The following FBLN1 variants were observed in gnomAD, a reference collection of about 807,000 sequenced individuals.
FBLN1 encodes fibulin 1, also known as fibulin-1.
A neutral mutation model predicts 89.7 loss-of-function variants in FBLN1; 34 were observed. That is an observed-to-expected ratio of 0.38 (90% CI 0.29 to 0.50). The LOEUF (loss-of-function observed/expected upper bound fraction) is 0.50, where lower values mean the gene tolerates loss of function less well. Among genes scored for constraint, FBLN1 ranks in the 20% least tolerant of loss-of-function variants. The probability of loss-of-function intolerance (pLI) is 0.92; values close to 1 mark genes in which losing one functional copy is unlikely to be tolerated. For synonymous variants in FBLN1, 393 were observed against 391.3 expected, an observed-to-expected ratio of 1.00 and a Z score of -0.05; for missense variants, 777 against 988.1, an observed-to-expected ratio of 0.79 and a Z score of 2.86.
At chr22:45,542,062 A>C in intron 9 of FBLN1, 93 bp from the exon 10 acceptor site, 1 of 1,577,190 alleles carries the variant, frequency 6.3e-7, no homozygotes, top group Admixed American at 1.7e-5. Flanking sequence ...TTCCATGTCC[A>C]TGTGTTCCTT....
intron 2 of FBLN1, among the ~76,000 whole-genome samples, chr22:45,524,535 G>A (rs915344818): frequency 6.6e-6 from 1 of 152,188 alleles, no homozygotes; most frequent in Admixed American, 6.5e-5. Flanking sequence ...CCTTGGGCAG[G>A]CTACCCAACA....
rs188307785 is a variant in FBLN1, at chr22:45,556,145, A to G, written c.1697+5530A>G. 1.3e-5 allele frequency among the ~76,000 whole-genome samples: 2 copies of G among 152,246 alleles called. No individual in the cohort carries two copies. Among genetic ancestry groups the G allele is most frequent in the Admixed American group, 1.3e-4 (2 of 15,282 alleles). On this transcript the variant is annotated intron_variant, in intron 14 of 16. Transcript: ENST00000327858. This position sits in a 1 kb window ranked among gnomAD's most constrained non-coding sequence, Gnocchi z 4.6. Reference sequence around the variant, plus strand: ...TGAGTAGCTGAGATTACAGGTGTGCACCACCATACCCAGCTAATTTTTCTA... The same window carrying G: ...TGAGTAGCTGAGATTACAGGTGTGCGCCACCATACCCAGCTAATTTTTCTA...
rs2089002542 is a variant in FBLN1, at chr22:45,576,956, C to T, written c.1841-21C>T. On this transcript the variant is annotated intron_variant, in intron 15 of 16. Transcript: ENST00000327858. The surrounding 1 kb of genome is among the most constrained non-coding windows in gnomAD (Gnocchi z 5.2). The stretch of plus-strand genomic sequence containing the variant: ...TGGGGCCAGGCTGTGCTGAGCCCTT[C>T]TCCATTCTGTGCCTCTGCAGAGATC... 1 of 1,613,226 alleles carries T rather than the reference C, an allele frequency of 6.2e-7. No individual in the cohort carries two copies. The highest frequency in any genetic ancestry group is 1.3e-5 in the African/African-American group (1 of 74,942).
At chr22:45,591,436 T>C (rs1022462247) in intron 16 of FBLN1, among the ~76,000 whole-genome samples, 2 of 152,198 alleles carry the variant, frequency 1.3e-5, no homozygotes, top group Non-Finnish European at 2.9e-5. Flanking sequence ...AACGAAGAGC[T>C]GTCTCTTTCG....
chr22:45,520,621 C>G (rs1569237237), intron 2 of FBLN1, among the ~76,000 whole-genome samples: 2 of 152,146 alleles, frequency 1.3e-5, no homozygotes, highest in Admixed American at 1.3e-4. Flanking sequence ...TAATAGGGAG[C>G]CACTACTATT....
rs1293297047 is a variant in FBLN1, at chr22:45,548,790, C to T, written c.1573+46C>T. Reference sequence around the variant, plus strand: ...GGGGTCCCTCACGCTCTGCTTGGGGCCCTGCAATGTCGTGGGGCTGAGGCT... The same window carrying T: ...GGGGTCCCTCACGCTCTGCTTGGGGTCCTGCAATGTCGTGGGGCTGAGGCT... On this transcript the variant is annotated intron_variant, in intron 13 of 16. Transcript: ENST00000327858. The T allele has an allele frequency of 2.5e-6, 4 of 1,607,802 alleles. No individual in the cohort carries two copies. In the African/African-American group the frequency reaches 4.0e-5, roughly 16 times the overall value.
intron 1 of FBLN1, among the ~76,000 whole-genome samples, chr22:45,504,517 C>A (rs2087991759): frequency 1.3e-5 from 2 of 150,374 alleles, no homozygotes; most frequent in Non-Finnish European, 3.0e-5. Flanking sequence ...GGGAAAACCC[C>A]GAGGGGCCCT....
At chr22:45,547,242 C>T (rs370504340) in intron 12 of FBLN1, 38 bp downstream of exon 12, 3 of 1,610,704 alleles carry the variant, frequency 1.9e-6, no homozygotes, top group Admixed American at 1.7e-5. Flanking sequence ...GAAAGCACCC[C>T]CTGGTCTTGC....
rs1010429682 is a variant in FBLN1, at chr22:45,550,709, G to A, written c.1697+94G>A. On this transcript the variant is annotated intron_variant, in intron 14 of 16. Transcript: ENST00000327858. The surrounding 1 kb of genome is among the most constrained non-coding windows in gnomAD (Gnocchi z 8.4). ...GGGTGGGTTATCAGGCTGTGACCTC[G>A]GTGTCCTCCCATGAGGGACTCAGGG... The A allele has an allele frequency of 5.3e-5, 84 of 1,571,866 alleles. No homozygotes were observed. The highest frequency in any genetic ancestry group is 8.9e-5 in the South Asian group (8 of 89,960).
intron 1 of FBLN1, among the ~76,000 whole-genome samples, chr22:45,515,114 G>A (rs1161554847): frequency 6.6e-6 from 1 of 152,230 alleles, no homozygotes; most frequent in East Asian, 1.9e-4. Flanking sequence ...GAGAGCCGGT[G>A]AATGAGAGGG....
rs941583362 is a variant in FBLN1, at chr22:45,580,116, T to C, written c.1972+3008T>C. On this transcript the variant is annotated intron_variant, in intron 16 of 16. Transcript: ENST00000327858. The surrounding 1 kb of genome is among the most constrained non-coding windows in gnomAD (Gnocchi z 8.6). ...GCTGAGTTAAATGACCGCCTGAGACTGTGCAACTGAAAAACTGCAGGGCCT... is the reference window on the plus strand; with the variant it reads ...GCTGAGTTAAATGACCGCCTGAGACCGTGCAACTGAAAAACTGCAGGGCCT... 1.3e-5 allele frequency among the ~76,000 whole-genome samples: 2 copies of C among 152,164 alleles called. No homozygotes were observed. Among genetic ancestry groups the C allele is most frequent in the Non-Finnish European group, 2.9e-5 (2 of 68,028 alleles).
intron 1 of FBLN1, 30 bp downstream of exon 1, chr22:45,503,094 C>T (rs1312862008): frequency 1.6e-6 from 2 of 1,223,244 alleles, no homozygotes; most frequent in Non-Finnish European, 2.0e-6. Flanking sequence ...GCCGCCCCAG[C>T]TTAGGGTCCC....
Position 45,562,846 on chromosome 22 carries a change from G to T in FBLN1, c.1698-11665G>T. The T allele has an allele frequency of 6.6e-7, 1 of 1,517,998 alleles. No individual in the cohort carries two copies. Among genetic ancestry groups the T allele is most frequent in the Admixed American group, 1.7e-5 (1 of 59,940 alleles). The allele number at this position is 1,517,998 out of a possible 1,614,324, so 94.0% of individuals were successfully genotyped here. ...TGCCAGCCCCGCATCCCCGCGCTCT[G>T]CCGTTTCTCCGCTTGCTGGACCGGC... is the stretch of plus-strand genomic sequence containing the variant. On this transcript the variant is annotated intron_variant, in intron 14 of 16. Transcript: ENST00000327858. The surrounding 1 kb of genome is among the most constrained non-coding windows in gnomAD (Gnocchi z 7.8).
intron 14 of FBLN1, chr22:45,564,845 A>G: frequency 6.2e-7 from 1 of 1,612,724 alleles, no homozygotes. Context: ...TGTCACTAGC[A>G]TTTCTGTGGC....
At position 45,574,574 on chromosome 22, in the gene FBLN1, A is replaced by G. The variant is rs1204420927; in HGVS notation, c.1761A>G (p.Thr587=). The change falls in exon 15 of 17, where the codon ACA becomes ACG. Residue 587 remains threonine, a synonymous_variant. Transcript: ENST00000327858. This position sits in a 1 kb window ranked among gnomAD's most constrained non-coding sequence, Gnocchi z 4.1. ...AGTCCTGCCGCCCCAACGATGTCACATGCGTGTTCGACCCCGTGCACACCA... is the reference window on the plus strand; with the variant it reads ...AGTCCTGCCGCCCCAACGATGTCACGTGCGTGTTCGACCCCGTGCACACCA... The part of the protein sequence containing the change: ...CIKSCRPNDV[T]CVFDPVHTIS... 1.9e-6 allele frequency: 3 copies of G among 1,614,114 alleles called. No individual in the cohort carries two copies. The highest frequency in any genetic ancestry group is 2.5e-6 in the Non-Finnish European group (3 of 1,180,026).
At chr22:45,555,348 C>G (rs916912000) in intron 14 of FBLN1, among the ~76,000 whole-genome samples, 2 of 149,054 alleles carry the variant, frequency 1.3e-5, no homozygotes, top group African/African-American at 2.5e-5. Flanking sequence ...AGGATTAACT[C>G]ACATGATCAC....
intron 1 of FBLN1, among the ~76,000 whole-genome samples, chr22:45,509,970 A>G (rs2088076895): frequency 6.6e-6 from 1 of 151,946 alleles, no homozygotes; most frequent in Admixed American, 6.6e-5. Context: ...CACTTTTAAA[A>G]ACTCCTGACG....
At chr22:45,598,736 T>C (rs541515107) in intron 16 of FBLN1, among the ~76,000 whole-genome samples, 2 of 152,314 alleles carry the variant, frequency 1.3e-5, no homozygotes, top group Admixed American at 6.5e-5. Flanking sequence ...GTTTAGCACA[T>C]GTGTGCATGC....
At position 45,503,014 on chromosome 22, in the gene FBLN1, TC is replaced by T; in HGVS notation, c.32del (p.Pro11ArgfsTer96). MERAAPSRR[V>X]PLPLLLLGGL... ...GAGCGCGCCGCGCCGTCGCGCCGGGTCCCGCTTCCGCTGCTGCTGCTCGGCG... is the reference window on the plus strand; with the variant it reads ...GAGCGCGCCGCGCCGTCGCGCCGGGTCCGCTTCCGCTGCTGCTGCTCGGCG... On this transcript the variant is annotated frameshift_variant, in exon 1 of 17. Coordinates refer to ENST00000327858, the MANE Select transcript of FBLN1 (RefSeq NM_006486.3). LOFTEE classifies it high-confidence loss of function. 8.0e-7 allele frequency: 1 copy of T among 1,245,060 alleles called. No individual in the cohort carries two copies. The highest frequency in any genetic ancestry group is 1.0e-6 in the Non-Finnish European group (1 of 996,058). 77.1% of individuals were successfully genotyped at this position (1,245,060 alleles called of 1,614,324 possible).
Sources: allele counts gnomAD v4.1 joint callset (sites outside exome capture counted in the v4.1 genomes callset), GRCh38; gene constraint gnomAD v4.1.1; non-coding constraint Gnocchi (gnomAD v3.1); transcripts MANE v1.5; gene names NCBI Gene and HGNC (gene_info 2026-07-23, HGNC 2026-07-21).